UNC13C: variants seen among roughly 807,000 people sequenced by gnomAD.
The protein encoded by UNC13C is protein unc-13 homolog C.
UNC13C carries 174 observed loss-of-function variants against 245.4 expected under a neutral mutation model. The observed-to-expected ratio is 0.71, with a 90% CI of 0.63 to 0.80. The LOEUF (loss-of-function observed/expected upper bound fraction) is 0.80. UNC13C is among the 30% of genes least tolerant of loss of function. The pLI is 0.00. For synonymous variants in UNC13C, 992 were observed against 895.1 expected (o/e 1.11, Z -1.93); for missense variants, 2,829 against 2,602.9 (o/e 1.09, Z -1.89).
chr15:54,193,199 T>G (rs1469951997), intron 4 of UNC13C, among the ~76,000 whole-genome samples: 1 of 152,132 alleles, frequency 6.6e-6, no homozygotes, highest in African/African-American at 2.4e-5. Context: ...GATTTGGGCT[T>G]TAAGACAATT....
At position 54,500,966 on chromosome 15, in the gene UNC13C, A is replaced by G; in HGVS notation, c.5289A>G (p.Arg1763=). The part of the protein sequence containing the change: ...PNPEALSHLM[R]RFAKTINKVL... ...CTGAAGCATTATCTCACTTAATGAGAAGATTTGCAAAGGTAGGTTAAATAA... is the reference window on the plus strand; with the variant it reads ...CTGAAGCATTATCTCACTTAATGAGGAGATTTGCAAAGGTAGGTTAAATAA... Residue 1763 remains arginine, a synonymous_variant, in exon 22 of 33, where the codon AGA becomes AGG. Transcript: ENST00000260323. 1 of 1,612,306 alleles carries G rather than the reference A, an allele frequency of 6.2e-7. No homozygotes were observed. The highest frequency in any genetic ancestry group is 1.1e-5 in the South Asian group (1 of 90,882).
the UNC13C span, among the ~76,000 whole-genome samples, chr15:53,917,638 C>T: frequency 6.6e-6 from 1 of 152,072 alleles, no homozygotes; most frequent in Non-Finnish European, 1.5e-5. Context: ...CACAAAGGGC[C>T]TCTTTTCTAT....
chr15:53,938,836 G>A, the UNC13C span, among the ~76,000 whole-genome samples: 1 of 152,080 alleles, frequency 6.6e-6, no homozygotes, highest in Non-Finnish European at 1.5e-5. Flanking sequence ...AGCATCTCTG[G>A]TATACAACTA....
At position 54,064,687 on chromosome 15, in the gene UNC13C, A is replaced by C. The variant is rs528327819; in HGVS notation, c.2983+48801A>C. Among the ~76,000 whole-genome samples, 9 of 152,344 alleles carry C rather than the reference A, an allele frequency of 5.9e-5. No individual in the cohort carries two copies. In the East Asian group the frequency reaches 1.7e-3, roughly 29 times the overall value. On this transcript the variant is annotated intron_variant, in intron 2 of 32. Transcript: ENST00000260323. ...GTTCCTTTGCACTCAATCTATCAGC[A>C]GGAACCACTACCTATAATCTTGTTA...
chr15:54,283,284 C>A (rs2037047229), intron 10 of UNC13C, among the ~76,000 whole-genome samples: 1 of 151,968 alleles, frequency 6.6e-6, no homozygotes, highest in Non-Finnish European at 1.5e-5. Flanking sequence ...TATACAAATC[C>A]ACATAAAACG....
At chr15:53,887,988 AT>A in the UNC13C span, among the ~76,000 whole-genome samples, 1 of 152,120 alleles carries the variant, frequency 6.6e-6, no homozygotes, top group South Asian at 2.1e-4. Context: ...AGTGTTTGCT[AT>A]TGTGAAGAGT....
rs79418032 is a variant in UNC13C, at chr15:53,991,570, C to T, written c.-257+12643C>T. Reference sequence around the variant, plus strand: ...GACTTGGTGAATCTTACTGGGAAGGCTGTCCTCAACCTTCTAATCATCCAT... The same window carrying T: ...GACTTGGTGAATCTTACTGGGAAGGTTGTCCTCAACCTTCTAATCATCCAT... On this transcript the variant is annotated intron_variant, in intron 1 of 32. Transcript: ENST00000260323. Among the ~76,000 whole-genome samples, 1,501 of 152,044 alleles carry T rather than the reference C, an allele frequency of 9.9e-3. 26 individuals are homozygous for T. The highest frequency in any genetic ancestry group is 0.035 in the African/African-American group (1,453 of 41,496).
At chr15:54,217,559 A>C (rs1026727641) in intron 4 of UNC13C, among the ~76,000 whole-genome samples, 1 of 151,928 alleles carries the variant, frequency 6.6e-6, no homozygotes, top group African/African-American at 2.4e-5. Flanking sequence ...ACCACAGGGC[A>C]GCAGGTGGGC....
the UNC13C span, chr15:53,911,401 G>C: frequency 6.6e-6 from 1 of 152,336 alleles, no homozygotes; most frequent in African/African-American, 2.4e-5. Context: ...TCCATCAGAA[G>C]GTAGAACATG....
rs1347184309 is a variant in UNC13C, at chr15:54,546,832, T to C, written c.5807T>C (p.Leu1936Pro). 1.3e-6 allele frequency: 2 copies of C among 1,581,994 alleles called. No individual in the cohort carries two copies. Among genetic ancestry groups the C allele is most frequent in the South Asian group, 2.4e-5 (2 of 85,044 alleles). ...KIEKQIVLPP[L>P]TDQTGPQMIF... The stretch of plus-strand genomic sequence containing the variant: ...GAAAAACAAATTGTTCTTCCTCCTC[T>C]GACAGATCAAACAGTAAGTATATAA... Residue 1936 changes from leucine to proline, a missense_variant, in exon 27 of 33, where the codon CTG (leucine) becomes CCG (proline). By Grantham distance (98) the Leu-to-Pro change is moderately conservative. Coordinates refer to ENST00000260323, the MANE Select transcript of UNC13C (RefSeq NM_001080534.3).
At chr15:54,098,914 G>A (rs1209456507) in intron 2 of UNC13C, among the ~76,000 whole-genome samples, 1 of 152,168 alleles carries the variant, frequency 6.6e-6, no homozygotes, top group Non-Finnish European at 1.5e-5. Context: ...TTTGAAATAG[G>A]TGAGGATGGA....
Position 54,014,729 on chromosome 15 carries a change from G to C in UNC13C, c.1826G>C (p.Gly609Ala). ...CCCAAGGACCAGCATTTGAATGGAG[G>C]TGTTCAGGGTATCCAAGGGCAGACT... Reference protein sequence around the residue: ...DSPKDQHLNGGVQGIQGQTET... With the variant: ...DSPKDQHLNGAVQGIQGQTET... The change falls in exon 2 of 33, where the codon GGT (glycine) becomes GCT (alanine). Residue 609 changes from glycine (G) to alanine (A), a missense_variant. Gly to Ala is a moderately conservative substitution (Grantham distance 60). Coordinates refer to ENST00000260323, the MANE Select transcript of UNC13C (RefSeq NM_001080534.3). 1 of 1,613,858 alleles carries C rather than the reference G, an allele frequency of 6.2e-7. No homozygotes were observed. Among genetic ancestry groups the C allele is most frequent in the Non-Finnish European group, 8.5e-7 (1 of 1,179,836 alleles).
intron 1 of UNC13C, among the ~76,000 whole-genome samples, chr15:53,993,389 C>G (rs1456561307): frequency 3.3e-5 from 5 of 152,066 alleles, no homozygotes; most frequent in African/African-American, 1.2e-4. Flanking sequence ...GACCGTGAAC[C>G]TCTCTCAGGG....
At chr15:54,116,721 T>C (rs113444085) in intron 2 of UNC13C, among the ~76,000 whole-genome samples, 78 of 152,336 alleles carry the variant, frequency 5.1e-4, no homozygotes, top group African/African-American at 1.8e-3. Context: ...CTATTGTAAA[T>C]AGTGCTGCGA....
intron 19 of UNC13C, among the ~76,000 whole-genome samples, chr15:54,472,127 A>G (rs1362952029): frequency 6.6e-6 from 1 of 151,670 alleles, no homozygotes; most frequent in Non-Finnish European, 1.5e-5. Flanking sequence ...TACATCTATT[A>G]TAGCCTTTTT....
the UNC13C span, among the ~76,000 whole-genome samples, chr15:53,965,602 C>G: frequency 6.7e-6 from 1 of 149,574 alleles, no homozygotes; most frequent in Non-Finnish European, 1.5e-5. Flanking sequence ...TTTTAGGGTA[C>G]ATGTGCACAA....
chr15:54,011,560 A>G (rs1227683795), intron 1 of UNC13C, among the ~76,000 whole-genome samples: 1 of 152,234 alleles, frequency 6.6e-6, no homozygotes, highest in Non-Finnish European at 1.5e-5. Context: ...AGTATAAAAA[A>G]TGCTTTTTAA....
intron 2 of UNC13C, among the ~76,000 whole-genome samples, chr15:54,060,110 G>A (rs1897742024): frequency 6.6e-6 from 1 of 151,266 alleles, no homozygotes; most frequent in Admixed American, 6.6e-5. Context: ...AGCCAAAATT[G>A]ACAGATGGGA....
chr15:54,192,911 C>T (rs544616486), intron 4 of UNC13C, among the ~76,000 whole-genome samples: 16 of 152,090 alleles, frequency 1.1e-4, no homozygotes, highest in East Asian at 9.7e-4. Context: ...CACACACACA[C>T]ACACACACAA....
Sources: allele counts gnomAD v4.1 joint callset (sites outside exome capture counted in the v4.1 genomes callset), GRCh38; gene constraint gnomAD v4.1.1; transcripts MANE v1.5; gene names NCBI Gene and HGNC (gene_info 2026-07-23, HGNC 2026-07-21).